The following SYNPO2 variants were observed in gnomAD, a reference collection of about 807,000 sequenced individuals.
SYNPO2 encodes synaptopodin 2, also known as synaptopodin-2.
Under a neutral mutation model 85.0 loss-of-function variants are expected in SYNPO2, and 56 were observed. The ratio of observed to expected loss-of-function variants is 0.66; its 90% CI spans 0.53 to 0.82. The LOEUF is 0.82. Among genes scored for constraint, SYNPO2 ranks in the 40% least tolerant of loss-of-function variants. SYNPO2 has a pLI of 0.00. For synonymous variants in SYNPO2, 602 were observed against 591.1 expected, an observed-to-expected ratio of 1.02 and a Z score of -0.27; for missense variants, 1,575 against 1,534.2, an observed-to-expected ratio of 1.03 and a Z score of -0.44.
chr4:118,952,003 T>G (rs935966678), intron 1 of SYNPO2, among the ~76,000 whole-genome samples: 1 of 152,178 alleles, frequency 6.6e-6, no homozygotes, highest in Non-Finnish European at 1.5e-5. Flanking sequence ...TAAAAGGGAC[T>G]GACCTGAGCT....
At chr4:118,873,687 T>G (rs1731845387) in intron 1 of SYNPO2, among the ~76,000 whole-genome samples, 1 of 152,312 alleles carries the variant, frequency 6.6e-6, no homozygotes, top group African/African-American at 2.4e-5. Context: ...GTGCAGAAGC[T>G]TTTTAGTTGA....
intron 1 of SYNPO2, chr4:119,006,106 C>G (rs951772871): frequency 6.5e-6 from 1 of 153,378 alleles, no homozygotes; most frequent in Admixed American, 6.6e-5. Context: ...ACACCGTCAG[C>G]AGTAAACAAT....
At chr4:118,950,621 A>T (rs142219859) in intron 1 of SYNPO2, among the ~76,000 whole-genome samples, 103 of 152,290 alleles carry the variant, frequency 6.8e-4, no homozygotes, top group African/African-American at 8.2e-4. Context: ...GGAGTGTCAG[A>T]GCCAGGTAGA....
chr4:119,002,896 GC>G (rs1406354512), intron 1 of SYNPO2, among the ~76,000 whole-genome samples: 1 of 151,494 alleles, frequency 6.6e-6, no homozygotes, highest in African/African-American at 2.4e-5. Context: ...TATTGTATAG[GC>G]CCTTTATATC....
At chr4:119,056,918 G>A (rs932852102) in intron 4 of SYNPO2, among the ~76,000 whole-genome samples, 2 of 152,210 alleles carry the variant, frequency 1.3e-5, no homozygotes, top group African/African-American at 4.8e-5. Flanking sequence ...CTTGGGAAGA[G>A]TAAAAAGCTC....
At chr4:118,922,609 G>A (rs2149128993) in intron 1 of SYNPO2, among the ~76,000 whole-genome samples, 1 of 151,634 alleles carries the variant, frequency 6.6e-6, no homozygotes, top group East Asian at 1.9e-4. Flanking sequence ...TATTCTACTG[G>A]AACCTACATG....
chr4:118,869,178 T>A (rs1731755687), intron 1 of SYNPO2, among the ~76,000 whole-genome samples: 1 of 152,148 alleles, frequency 6.6e-6, no homozygotes, highest in Non-Finnish European at 1.5e-5. Flanking sequence ...TACCTCAACC[T>A]CCCAAGTAGC....
At chr4:118,879,063 G>GT (rs1454655577) in intron 1 of SYNPO2, among the ~76,000 whole-genome samples, 2 of 152,154 alleles carry the variant, frequency 1.3e-5, no homozygotes, top group Non-Finnish European at 2.9e-5. Flanking sequence ...TTTAAGAGCT[G>GT]TAACACTCAC....
intron 1 of SYNPO2, among the ~76,000 whole-genome samples, chr4:118,917,609 T>G (rs1233884720): frequency 6.6e-6 from 1 of 152,056 alleles, no homozygotes; most frequent in Non-Finnish European, 1.5e-5. Flanking sequence ...ATAGAAACAA[T>G]TTGGTCAAAA....
At chr4:118,946,423 G>C (rs1216276681) in intron 1 of SYNPO2, among the ~76,000 whole-genome samples, 1 of 136,652 alleles carries the variant, frequency 7.3e-6, no homozygotes, top group Non-Finnish European at 1.7e-5. Flanking sequence ...CAGCTGGCTG[G>C]TGATTAGGAA....
At chr4:118,946,241 A>G (rs183988267) in intron 1 of SYNPO2, among the ~76,000 whole-genome samples, 2 of 152,322 alleles carry the variant, frequency 1.3e-5, no homozygotes, top group Admixed American at 1.3e-4. Context: ...CAGATGCCAT[A>G]ACCTTAAAAA....
At chr4:118,907,542 G>A (rs1229796593) in intron 1 of SYNPO2, among the ~76,000 whole-genome samples, 1 of 152,136 alleles carries the variant, frequency 6.6e-6, no homozygotes, top group African/African-American at 2.4e-5. Context: ...ATGTCAAAGA[G>A]AAAAAGGAGT....
intron 1 of SYNPO2, among the ~76,000 whole-genome samples, chr4:119,012,379 T>TC (rs1341728998): frequency 6.0e-4 from 73 of 121,828 alleles, no homozygotes; most frequent in Non-Finnish European, 8.9e-4. Context: ...CCTTTTCTTT[T>TC]TTTTTTTTTT....
At chr4:118,939,279 T>C (rs1213251757) in intron 1 of SYNPO2, among the ~76,000 whole-genome samples, 5 of 152,144 alleles carry the variant, frequency 3.3e-5, no homozygotes, top group Admixed American at 3.3e-4. Context: ...TAGGAATATT[T>C]TTTGAGTGAG....
At chr4:118,886,413 CTCCGA>C (rs1213356120), upstream of SYNPO2, among the ~76,000 whole-genome samples, 1 of 152,120 alleles carries the variant, frequency 6.6e-6, no homozygotes, top group African/African-American at 2.4e-5. Flanking sequence ...GTACCCCACC[CTCCGA>C]CAGGCCTCAG....
chr4:118,952,863 A>G (rs1181391706), intron 1 of SYNPO2, among the ~76,000 whole-genome samples: 1 of 152,148 alleles, frequency 6.6e-6, no homozygotes, highest in East Asian at 1.9e-4. Flanking sequence ...CTAATAGTAT[A>G]ACAACCTCGG....
At chr4:118,997,194 C>G (rs866132750) in intron 1 of SYNPO2, among the ~76,000 whole-genome samples, 3 of 143,354 alleles carry the variant, frequency 2.1e-5, no homozygotes, top group Non-Finnish European at 4.5e-5. Flanking sequence ...GAGCCGAGAT[C>G]CCGCCACTGC....
rs1375195139 is a variant in SYNPO2 at position 118,900,713 on chromosome 4, A to C, written c.105+11572A>C. On this transcript the variant is annotated intron_variant, in intron 1 of 4. Coordinates refer to ENST00000307142, the MANE Select transcript of SYNPO2 (RefSeq NM_133477.3). ...TCTCTCTCTCTCTCTCTATATATAT[A>C]TATATATATATATATATATGTCTGT... 2.8e-3 allele frequency among the ~76,000 whole-genome samples: 265 copies of C among 93,056 alleles called. 1 individual carries two copies. Among genetic ancestry groups the C allele is most frequent in the Non-Finnish European group, 4.5e-3 (192 of 43,088 alleles). The allele number at this position is 93,056 out of a possible 152,430, so 61.0% of individuals were successfully genotyped here. A position where few individuals can be genotyped will look rare whatever the true frequency, so the allele number is the denominator to read the frequency against.
intron 1 of SYNPO2, among the ~76,000 whole-genome samples, chr4:118,962,879 T>C (rs1312147646): frequency 6.6e-6 from 1 of 152,184 alleles, no homozygotes; most frequent in East Asian, 1.9e-4. Context: ...ATGCAAACTG[T>C]CTGTAATGTT....
Sources: allele counts gnomAD v4.1 joint callset (sites outside exome capture counted in the v4.1 genomes callset), GRCh38; gene constraint gnomAD v4.1.1; transcripts MANE v1.5; gene names NCBI Gene and HGNC (gene_info 2026-07-23, HGNC 2026-07-21).